THAP10: variants seen among roughly 807,000 people sequenced by gnomAD.
THAP10 encodes the protein THAP domain-containing protein 10.
A neutral mutation model predicts 15.7 loss-of-function variants in THAP10; 10 were observed. The observed-to-expected ratio is 0.64, with a 90% CI of 0.39 to 1.08. The LOEUF (loss-of-function observed/expected upper bound fraction) is 1.08. THAP10 is among the 50% of genes least tolerant of loss of function. THAP10 has a pLI of 0.01. For synonymous variants in THAP10, 127 were observed against 129.1 expected, an observed-to-expected ratio of 0.98 and a Z score of 0.11; for missense variants, 310 against 330.9, an observed-to-expected ratio of 0.94 and a Z score of 0.49.
chr15:70,883,312 T>G (rs2033315991), intron 1 of THAP10, among the ~76,000 whole-genome samples: 1 of 151,918 alleles, frequency 6.6e-6, no homozygotes. Context: ...CTGCCTCAGC[T>G]TCCCAAGTAG....
chr15:70,884,647 A>G (rs2033357499), intron 1 of THAP10, among the ~76,000 whole-genome samples: 1 of 152,194 alleles, frequency 6.6e-6, no homozygotes, highest in Admixed American at 6.5e-5. Context: ...TTAAATCATG[A>G]CCAATTTTCA....
intron 1 of THAP10, among the ~76,000 whole-genome samples, chr15:70,885,242 C>T (rs2033374771): frequency 6.6e-6 from 1 of 151,992 alleles, no homozygotes; most frequent in East Asian, 1.9e-4. Context: ...ATAGAAAATA[C>T]AGAAAATGTC....
chr15:70,882,597 G>T lies in THAP10; in HGVS notation c.631C>A (p.Gln211Lys). The change falls in exon 3 of 3, where the codon CAG (glutamine) becomes AAG (lysine). Residue 211 changes from glutamine (Q) to lysine (K), a missense_variant. Transcript: ENST00000249861. Reference sequence around the variant, plus strand: ...GTTCTAGACCACAATTCCTCTGTCTGAGTAGTTGCATTACACAGTCTTTTT... The same window carrying T: ...GTTCTAGACCACAATTCCTCTGTCTTAGTAGTTGCATTACACAGTCTTTTT... The part of the protein sequence containing the change: ...FGKRLCNATT[Q>K]TEELWSRTSS... 1 of 1,613,996 alleles carries T rather than the reference G, an allele frequency of 6.2e-7. No individual in the cohort carries two copies. Among genetic ancestry groups the T allele is most frequent in the Middle Eastern group, 1.7e-4 (1 of 6,052 alleles).
chr15:70,890,818 G>T (rs1306241081), intron 1 of THAP10, among the ~76,000 whole-genome samples: 3 of 152,168 alleles, frequency 2.0e-5, no homozygotes, highest in Non-Finnish European at 2.9e-5. Context: ...AGTATAGTAT[G>T]TCCAAGAACT....
At chr15:70,890,645 G>A (rs148329230) in intron 1 of THAP10, among the ~76,000 whole-genome samples, 2 of 152,260 alleles carry the variant, frequency 1.3e-5, no homozygotes, top group Non-Finnish European at 2.9e-5. Flanking sequence ...TGGAGTACAC[G>A]AAGAATGAGA....
At chr15:70,884,238 A>C (rs2033343892) in intron 1 of THAP10, among the ~76,000 whole-genome samples, 1 of 152,120 alleles carries the variant, frequency 6.6e-6, no homozygotes, top group Non-Finnish European at 1.5e-5. Flanking sequence ...ATTGATACCC[A>C]AGTTAAAGAA....
In THAP10 at chr15:70,892,210, G is replaced by T. The variant is rs1174328890; in HGVS notation, c.63C>A (p.Phe21Leu). ...GNTTKSGKSL[F>L]RFPKDRAVRL... ...GCACGGCCCGGTCCTTGGGAAAGCGGAACAGCGACTTCCCAGACTTGGTGG... is the reference window on the plus strand; with the variant it reads ...GCACGGCCCGGTCCTTGGGAAAGCGTAACAGCGACTTCCCAGACTTGGTGG... Residue 21 changes from phenylalanine (F) to leucine (L), a missense_variant, in exon 1 of 3, where the codon TTC (phenylalanine) becomes TTA (leucine). Physicochemically the swap from Phe to Leu is conservative, Grantham distance 22. Coordinates refer to ENST00000249861, the MANE Select transcript of THAP10 (RefSeq NM_020147.4). 1.2e-6 allele frequency: 2 copies of T among 1,602,124 alleles called. No individual in the cohort carries two copies. Among genetic ancestry groups the T allele is most frequent in the Non-Finnish European group, 1.7e-6 (2 of 1,174,172 alleles).
At chr15:70,891,567 CTGTG>C (rs3220843) in intron 1 of THAP10, among the ~76,000 whole-genome samples, 6,338 of 136,852 alleles carry the variant, frequency 0.046, 147 homozygotes, top group Middle Eastern at 0.066. Context: ...GGACAAGACT[CTGTG>C]TGTGTGTGTG....
chr15:70,891,951 G>C lies in THAP10; in HGVS notation c.322C>G (p.Arg108Gly), dbSNP rs772758718. 1 of 1,613,588 alleles carries C rather than the reference G, an allele frequency of 6.2e-7. No homozygotes were observed. Among genetic ancestry groups the C allele is most frequent in the Admixed American group, 1.7e-5 (1 of 59,984 alleles). The change falls in exon 1 of 3, where the codon CGC becomes GGC. Residue 108 changes from arginine to glycine, a missense_variant. Physicochemically the swap from Arg to Gly is moderately radical, Grantham distance 125 (BLOSUM62 -2). Transcript: ENST00000249861. The stretch of plus-strand genomic sequence containing the variant: ...TGGAGCTCTCCTCGCGTGTCCAGGC[G>C]GCCTGCTTGGTCTCCCTCCTCTCCC... ...KRGEEGDQAGRLDTRGELQAA... is the reference protein window; with the variant it reads ...KRGEEGDQAGGLDTRGELQAA...
chr15:70,889,998 A>C (rs2033510434), intron 1 of THAP10, among the ~76,000 whole-genome samples: 1 of 152,236 alleles, frequency 6.6e-6, no homozygotes, highest in African/African-American at 2.4e-5. Flanking sequence ...CTAGTAATTC[A>C]GCAAGTATAT....
At position 70,891,972 on chromosome 15, in the gene THAP10, C is replaced by T; in HGVS notation, c.301G>A (p.Glu101Lys). 6.2e-7 allele frequency: 1 copy of T among 1,613,574 alleles called. No homozygotes were observed. The highest frequency in any genetic ancestry group is 8.5e-7 in the Non-Finnish European group (1 of 1,179,818). Residue 101 changes from glutamate (E) to lysine (K), a missense_variant, in exon 1 of 3, where the codon GAG (glutamate) becomes AAG (lysine). By Grantham distance (56) the Glu-to-Lys change is moderately conservative. Coordinates refer to ENST00000249861, the MANE Select transcript of THAP10 (RefSeq NM_020147.4). ...AGGCGGCCTGCTTGGTCTCCCTCCT[C>T]TCCCCTCTTAGGTGCCGGGGCGGGC... ...RVPAPAPKRG[E>K]EGDQAGRLDT...
At chr15:70,883,303 T>C (rs2033315800) in intron 1 of THAP10, among the ~76,000 whole-genome samples, 1 of 152,182 alleles carries the variant, frequency 6.6e-6, no homozygotes, top group African/African-American at 2.4e-5. Context: ...GTGATTCTCC[T>C]GCCTCAGCTT....
rs550573394 is a variant in THAP10, at chr15:70,882,427, C to T, written c.*27G>A. On this transcript the variant is annotated 3_prime_UTR_variant, in exon 3 of 3. Coordinates refer to ENST00000249861, the MANE Select transcript of THAP10 (RefSeq NM_020147.4). ...TGAGTAAAGATTTGAAAATCTATAGCACATCAGAGCATTTGATGTTGAGTT... is the reference window on the plus strand; with the variant it reads ...TGAGTAAAGATTTGAAAATCTATAGTACATCAGAGCATTTGATGTTGAGTT... 38 of 1,510,422 alleles carry T rather than the reference C, an allele frequency of 2.5e-5. 1 individual carries two copies. In the South Asian group the frequency reaches 3.9e-4, roughly 16 times the overall value. The allele number at this position is 1,510,422 out of a possible 1,614,324, so 93.6% of individuals were successfully genotyped here.
rs539051339 is a variant in THAP10, at chr15:70,884,945, T to C, written c.430-2037A>G. Among the ~76,000 whole-genome samples, 124 of 152,300 alleles carry C rather than the reference T, an allele frequency of 8.1e-4. 1 individual carries two copies. Among genetic ancestry groups the C allele is most frequent in the African/African-American group, 2.9e-3 (120 of 41,576 alleles). On this transcript the variant is annotated intron_variant, in intron 1 of 2. Transcript: ENST00000249861. ...TGTATTTTTAAAAACTGAGATAATA[T>C]AATGCTTTATAACCTAGTTTTCCCA...
chr15:70,892,404 C>T lies in THAP10; in HGVS notation c.-132G>A. 3.9e-6 allele frequency: 6 copies of T among 1,541,244 alleles called. No individual in the cohort carries two copies. Among genetic ancestry groups the T allele is most frequent in the Non-Finnish European group, 5.2e-6 (6 of 1,146,568 alleles). ...ACTCCGGGTCGGGATTGTTTCCTTC[C>T]CTACCTCTGGTCACCGGAAGTGGCG... On this transcript the variant is annotated 5_prime_UTR_variant, in exon 1 of 3. Coordinates refer to ENST00000249861, the MANE Select transcript of THAP10 (RefSeq NM_020147.4).
intron 1 of THAP10, among the ~76,000 whole-genome samples, chr15:70,884,348 C>A (rs1420699714): frequency 6.6e-6 from 1 of 152,026 alleles, no homozygotes; most frequent in Non-Finnish European, 1.5e-5. Context: ...GCCTAGCCAA[C>A]ATCGTGAAAC....
chr15:70,891,726 T>C (rs2033578835), intron 1 of THAP10, 118 bp downstream of exon 1: 1 of 923,326 alleles, frequency 1.1e-6, no homozygotes, highest in Non-Finnish European at 1.6e-6. Flanking sequence ...ACCCCTAACT[T>C]TGCAGATTAG....
intron 1 of THAP10, among the ~76,000 whole-genome samples, chr15:70,885,394 C>G (rs917722109): frequency 2.6e-5 from 4 of 152,224 alleles, no homozygotes; most frequent in African/African-American, 9.6e-5. Flanking sequence ...TAAACCCTTT[C>G]TATTTATCAA....
In THAP10 at chr15:70,892,253, G is replaced by A; in HGVS notation, c.20C>T (p.Ala7Val). The part of the protein sequence containing the change: MPARCV[A>V]AHCGNTTKSG... Reference sequence around the variant, plus strand: ...CTTGGTGGTGTTGCCGCAGTGGGCGGCCACACAACGGGCCGGCATGGCGGC... The same window carrying A: ...CTTGGTGGTGTTGCCGCAGTGGGCGACCACACAACGGGCCGGCATGGCGGC... The change falls in exon 1 of 3, where the codon GCC becomes GTC. Residue 7 changes from alanine (A) to valine (V), a missense_variant. Transcript: ENST00000249861. 1 of 1,577,234 alleles carries A rather than the reference G, an allele frequency of 6.3e-7. No homozygotes were observed. Among genetic ancestry groups the A allele is most frequent in the Non-Finnish European group, 8.6e-7 (1 of 1,160,734 alleles).
Sources: allele counts gnomAD v4.1 joint callset (sites outside exome capture counted in the v4.1 genomes callset), GRCh38; gene constraint gnomAD v4.1.1; transcripts MANE v1.5; gene names NCBI Gene and HGNC (gene_info 2026-07-23, HGNC 2026-07-21).